The following PCYT2 variants were observed in gnomAD, a reference collection of about 807,000 sequenced individuals.
The protein encoded by PCYT2 is phosphate cytidylyltransferase 2, ethanolamine.
Under a neutral mutation model 50.0 loss-of-function variants are expected in PCYT2, and 33 were observed. That is an observed-to-expected ratio of 0.66 (90% CI 0.50 to 0.88). The LOEUF is 0.88. Among genes scored for constraint, PCYT2 ranks in the 40% least tolerant of loss-of-function variants. The pLI is 0.00. For missense variants in PCYT2, 430 were observed against 519.7 expected (o/e 0.83, Z 1.68); for synonymous variants, 240 against 203.7 (o/e 1.18, Z -1.52).
At position 81,905,133 on chromosome 17, in the gene PCYT2, A is replaced by C; in HGVS notation, c.991T>G (p.Phe331Val). 6.2e-7 allele frequency: 1 copy of C among 1,613,256 alleles called. No individual in the cohort carries two copies. ...TTGCTGCCACTGTCAATCTGACGGA[A>C]GATGCCCCTTCTCTTGGGCTCCTGG... ...PYQEPKRRGI[F>V]RQIDSGSNLT... Residue 331 changes from phenylalanine to valine, a missense_variant, in exon 12 of 13, where the codon TTC (phenylalanine) becomes GTC (valine). Coordinates refer to ENST00000538936, the MANE Select transcript of PCYT2 (RefSeq NM_002861.5).
In PCYT2 at chr17:81,902,200, C is replaced by T. The variant is rs1286114394; in HGVS notation, c.*2633G>A. ...GCCCTCCGCAGCCTCGGCCCGCCCT[C>T]GCCGCAGATATAAGGCGGCCCAGGC... On this transcript the variant is annotated 3_prime_UTR_variant, in exon 13 of 13. Coordinates refer to ENST00000538936, the MANE Select transcript of PCYT2 (RefSeq NM_002861.5). 381 of 1,184,948 alleles carry T rather than the reference C, an allele frequency of 3.2e-4. 3 individuals carry two copies. Among genetic ancestry groups the T allele is most frequent in the Non-Finnish European group, 3.9e-5 (37 of 953,936 alleles). The allele number at this position is 1,184,948 out of a possible 1,614,324, so 73.4% of individuals were successfully genotyped here. A position where few individuals can be genotyped will look rare whatever the true frequency, so the allele number is the denominator to read the frequency against.
chr17:81,909,391 A>G (rs2040453713), intron 2 of PCYT2, 123 bp downstream of exon 2: 1 of 1,440,798 alleles, frequency 6.9e-7, no homozygotes, highest in Non-Finnish European at 9.4e-7. Flanking sequence ...GGGTGAGCCT[A>G]CAGTGCCCTC....
chr17:81,910,747 C>T (rs752846379), intron 1 of PCYT2, among the ~76,000 whole-genome samples: 1 of 152,234 alleles, frequency 6.6e-6, no homozygotes, highest in African/African-American at 2.4e-5. Context: ...CGGTCGTCTT[C>T]CTTTCACTTG....
chr17:81,906,949 G>T (rs2040306200), intron 6 of PCYT2, 51 bp from the exon 7 acceptor site: 2 of 1,577,392 alleles, frequency 1.3e-6, no homozygotes, highest in South Asian at 1.1e-5. Flanking sequence ...CCCAGGTGCT[G>T]CCCTCACCAG....
chr17:81,908,941 G>A lies in PCYT2; in HGVS notation c.275C>T (p.Ala92Val), dbSNP rs896404022. Residue 92 changes from alanine to valine, a missense_variant, in exon 3 of 13, where the codon GCG becomes GTG. Around this residue, in one of 4 missense-constraint regions of PCYT2, gnomAD observed 117 missense variants for 163.9 expected, o/e 0.71. Transcript: ENST00000538936. ...CTCTAGTGTAGTGACGTAGGGAGCC[G>A]CTGGCACCACCTCGTCCACCCATTT... ...AIKWVDEVVPAAPYVTTLETL... is the reference protein window; with the variant it reads ...AIKWVDEVVPVAPYVTTLETL... 8.1e-6 allele frequency: 13 copies of A among 1,613,824 alleles called. No individual in the cohort carries two copies. The highest frequency in any genetic ancestry group is 1.6e-4 in the Middle Eastern group (1 of 6,084).
rs975738393 is a variant in PCYT2 at position 81,902,140 on chromosome 17, C to T, written c.*2693G>A. ...AGGTGCGACGGCTCCTCCGCGCGCG[C>T]CCGCTGCACCCCAGCCCGCCCGCCG... On this transcript the variant is annotated 3_prime_UTR_variant, in exon 13 of 13. Coordinates refer to ENST00000538936, the MANE Select transcript of PCYT2 (RefSeq NM_002861.5). The T allele has an allele frequency of 2.5e-5, 20 of 810,730 alleles. No homozygotes were observed. Among genetic ancestry groups the T allele is most frequent in the South Asian group, 6.0e-5 (1 of 16,692 alleles). 50.2% of individuals were successfully genotyped at this position (810,730 alleles called of 1,614,324 possible). A position where few individuals can be genotyped will look rare whatever the true frequency, so the allele number is the denominator to read the frequency against.
chr17:81,911,114 G>A (rs2040578073), intron 1 of PCYT2, 153 bp downstream of exon 1: 2 of 1,002,246 alleles, frequency 2.0e-6, no homozygotes, highest in South Asian at 4.6e-5. Context: ...CGACCCTCCC[G>A]GCAGGCGAGC....
intron 5 of PCYT2, 41 bp from the exon 6 acceptor site, chr17:81,907,639 C>G: frequency 6.2e-7 from 1 of 1,606,066 alleles, no homozygotes; most frequent in Non-Finnish European, 8.5e-7. Context: ...GCCTGCCCTC[C>G]CGGCGTGGCC....
chr17:81,907,438 C>A, intron 6 of PCYT2, 116 bp downstream of exon 6: 1 of 1,265,938 alleles, frequency 7.9e-7, no homozygotes, highest in Non-Finnish European at 1.1e-6. Context: ...GTGCCAGGGA[C>A]AGAGGGAGGA....
At chr17:81,907,218 C>A in intron 6 of PCYT2, 1 of 1,534,226 alleles carries the variant, frequency 6.5e-7, no homozygotes, top group Non-Finnish European at 8.7e-7. Context: ...GAGCAGCCTT[C>A]TGAGGAAAGT....
chr17:81,906,053 G>A lies in PCYT2; in HGVS notation c.837+47C>T, dbSNP rs536639883. On this transcript the variant is annotated intron_variant, in intron 9 of 12. Coordinates refer to ENST00000538936, the MANE Select transcript of PCYT2 (RefSeq NM_002861.5). ...GGAGGCCCTTAGTAGGGGGGATGTT[G>A]TGGGAATGTCTCCCCATCCTTGGGC... The A allele has an allele frequency of 2.0e-6, 3 of 1,526,850 alleles. No homozygotes were observed. The Admixed American group carries it at 5.4e-5, about 28-fold the overall frequency. 94.6% of individuals were successfully genotyped at this position (1,526,850 alleles called of 1,614,324 possible). A position where few individuals can be genotyped will look rare whatever the true frequency, so the allele number is the denominator to read the frequency against.
At position 81,911,298 on chromosome 17, in the gene PCYT2, T is replaced by A; in HGVS notation, c.58A>T (p.Arg20Trp). ...GGAEQPGPGGRRAVRVWCDGC... is the reference protein window; with the variant it reads ...GGAEQPGPGGWRAVRVWCDGC... ...TCGCACCACACCCTCACGGCGCGCC[T>A]GCCCCCCGGGCCCGGCTGCTCTGCG... Residue 20 changes from arginine to tryptophan, a missense_variant, in exon 1 of 13, where the codon AGG (arginine) becomes TGG (tryptophan). Physicochemically the swap from Arg to Trp is moderately radical, Grantham distance 101. Around this residue, in one of 4 missense-constraint regions of PCYT2, gnomAD observed 63 missense variants for 37.5 expected, o/e 1.68. Transcript: ENST00000538936. The A allele has an allele frequency of 9.0e-7, 1 of 1,113,604 alleles. No individual in the cohort carries two copies. The highest frequency in any genetic ancestry group is 1.1e-6 in the Non-Finnish European group (1 of 905,130). 69.0% of individuals were successfully genotyped at this position (1,113,604 alleles called of 1,614,324 possible).
chr17:81,904,819 G>C lies in PCYT2; in HGVS notation c.*14C>G, dbSNP rs764482566. 1 of 1,564,462 alleles carries C rather than the reference G, an allele frequency of 6.4e-7. No individual in the cohort carries two copies. The highest frequency in any genetic ancestry group is 8.8e-7 in the Non-Finnish European group (1 of 1,140,956). Reference sequence around the variant, plus strand: ...AGCAGAGCAGGGGGAGGGCCGGCCAGGGCCTCTGCCAGGTTAGAAGTCACC... The same window carrying C: ...AGCAGAGCAGGGGGAGGGCCGGCCACGGCCTCTGCCAGGTTAGAAGTCACC... On this transcript the variant is annotated 3_prime_UTR_variant, in exon 13 of 13. Coordinates refer to ENST00000538936, the MANE Select transcript of PCYT2 (RefSeq NM_002861.5).
rs955798506 is a variant in PCYT2 at position 81,904,472 on chromosome 17, C to T, written c.*361G>A. ...AGTCACTGCTCCCTAAAGCCCTCTG[C>T]TCTGCACCTCCCGCCACAGCTGGGT... is the stretch of plus-strand genomic sequence containing the variant. On this transcript the variant is annotated 3_prime_UTR_variant, in exon 13 of 13. Transcript: ENST00000538936. 2 of 266,160 alleles carry T rather than the reference C, an allele frequency of 7.5e-6. No homozygotes were observed. The highest frequency in any genetic ancestry group is 2.2e-5 in the African/African-American group (1 of 45,342). 16.5% of individuals were successfully genotyped at this position (266,160 alleles called of 1,614,324 possible).
At chr17:81,906,734 G>T in intron 7 of PCYT2, 26 bp downstream of exon 7, 2 of 1,610,576 alleles carry the variant, frequency 1.2e-6, no homozygotes, top group South Asian at 2.2e-5. Flanking sequence ...GCACATGTAG[G>T]GGAGCAGCAG....
rs763764778 is a variant in PCYT2 at position 81,905,165 on chromosome 17, A to AGAC, written c.970-12_970-11insGTC. ...CCTTCTCTTGGGCTCCTGGGGGTCC[A>AGAC]GAGAGGAGGAGCGGGATGAAGGTCC... is the stretch of plus-strand genomic sequence containing the variant. On this transcript the variant is annotated splice_polypyrimidine_tract_variant and intron_variant, in intron 11 of 12. Transcript: ENST00000538936. 30 of 1,606,992 alleles carry AGAC rather than the reference A, an allele frequency of 1.9e-5. No individual in the cohort carries two copies. In the African/African-American group the frequency reaches 3.9e-4, roughly 21 times the overall value.
At position 81,904,872 on chromosome 17, in the gene PCYT2, C is replaced by G. The variant is rs777674049; in HGVS notation, c.1131G>C (p.Gln377His). The G allele has an allele frequency of 2.5e-6, 4 of 1,612,820 alleles. No homozygotes were observed. Among genetic ancestry groups the G allele is most frequent in the African/African-American group, 2.7e-5 (2 of 74,950 alleles). ...CGCGCTCCCCCAGGGGCTGTGCCGCCTGCTGCCTGGCAGCCTCCAGGAAGG... is the reference window on the plus strand; with the variant it reads ...CGCGCTCCCCCAGGGGCTGTGCCGCGTGCTGCCTGGCAGCCTCCAGGAAGG... ...ELAFLEAARQQAAQPLGERDG... is the reference protein window; with the variant it reads ...ELAFLEAARQHAAQPLGERDG... The change falls in exon 13 of 13, where the codon CAG (glutamine) becomes CAC (histidine). Residue 377 changes from glutamine (Q) to histidine (H), a missense_variant. Transcript: ENST00000538936.
At chr17:81,908,465 C>T in intron 4 of PCYT2, 103 bp downstream of exon 4, 2 of 845,980 alleles carry the variant, frequency 2.4e-6, no homozygotes, top group Non-Finnish European at 3.8e-6. Context: ...GGCCCAGGGC[C>T]TGGACGCTCC....
intron 6 of PCYT2, 23 bp from the exon 7 acceptor site, chr17:81,906,921 G>A (rs759582812): frequency 1.2e-6 from 2 of 1,608,412 alleles, no homozygotes; most frequent in Non-Finnish European, 1.7e-6. Flanking sequence ...AGAGGGAGCA[G>A]GTTGGCGGGG....
Sources: gnomAD v4.1 joint callset for allele counts (sites outside exome capture counted in the v4.1 genomes callset) on GRCh38, gnomAD v4.1.1 for gene constraint, gnomAD v4.1.1 regional missense constraint, MANE v1.5 for transcripts, NCBI Gene and HGNC (gene_info 2026-07-23, HGNC 2026-07-21) for gene names.